DCDC1: variants seen among roughly 807,000 people sequenced by gnomAD.
The protein encoded by DCDC1 is doublecortin domain-containing protein 1.
In DCDC1, 200 loss-of-function variants were observed where a neutral mutation model predicts 178.3. The ratio of observed to expected loss-of-function variants is 1.12; its 90% CI spans 1.00 to 1.26. The LOEUF (loss-of-function observed/expected upper bound fraction) is 1.26, where lower values mean the gene tolerates loss of function less well. Ranked by LOEUF, DCDC1 falls within the 50% of genes most tolerant of loss-of-function variation. DCDC1 has a pLI of 0.00. For synonymous variants in DCDC1, 690 were observed against 604.8 expected, an observed-to-expected ratio of 1.14 and a Z score of -2.07; for missense variants, 1,983 against 1,749.2, an observed-to-expected ratio of 1.13 and a Z score of -2.38.
intron 20 of DCDC1, among the ~76,000 whole-genome samples, chr11:30,994,900 C>A (rs1343971762): frequency 2.0e-5 from 3 of 150,528 alleles, no homozygotes; most frequent in Non-Finnish European, 4.4e-5. Flanking sequence ...TGCTATTAAT[C>A]ATGGTCCCAG....
At chr11:30,978,057 A>C (rs2134758117) in intron 20 of DCDC1, among the ~76,000 whole-genome samples, 1 of 152,276 alleles carries the variant, frequency 6.6e-6, no homozygotes, top group South Asian at 2.1e-4. Flanking sequence ...TTTCTGTACA[A>C]CAAGTCAGTA....
intron 9 of DCDC1, among the ~76,000 whole-genome samples, chr11:31,204,016 G>T (rs763669080): frequency 1.4e-4 from 22 of 152,150 alleles, no homozygotes; most frequent in Non-Finnish European, 2.5e-4. Context: ...TAAGCAACTG[G>T]AAATGTACTT....
chr11:31,065,633 T>C (rs976994625), intron 18 of DCDC1, among the ~76,000 whole-genome samples: 2 of 152,200 alleles, frequency 1.3e-5, no homozygotes, highest in Admixed American at 6.5e-5. Flanking sequence ...AGGTAGAGCA[T>C]ATGTCTATGA....
intron 20 of DCDC1, among the ~76,000 whole-genome samples, chr11:31,053,415 G>A (rs1955388548): frequency 6.6e-6 from 1 of 151,976 alleles, no homozygotes; most frequent in Admixed American, 6.6e-5. Flanking sequence ...AGAAAAATTG[G>A]TACCAATCTT....
rs78898118 is a variant in DCDC1, at chr11:30,930,595, A to G, written c.2897+1176T>C. On this transcript the variant is annotated intron_variant, in intron 22 of 38. Coordinates refer to ENST00000684477, the MANE Select transcript of DCDC1 (RefSeq NM_001387274.1). ...AGCATTTCACATATTCTCTGCTAGA[A>G]CAGTTGTCCAAATTTACCATTTCAA... Among the ~76,000 whole-genome samples, 228 of 152,302 alleles carry G rather than the reference A, an allele frequency of 1.5e-3. 1 individual carries two copies. The East Asian group carries it at 0.021, about 14-fold the overall frequency.
intron 9 of DCDC1, among the ~76,000 whole-genome samples, chr11:31,170,887 T>C (rs766898447): frequency 5.9e-5 from 9 of 152,238 alleles, no homozygotes; most frequent in Non-Finnish European, 1.0e-4. Context: ...TGGAGTGCAA[T>C]AGCGTGATCT....
Position 30,982,921 on chromosome 11 carries a change from G to A in DCDC1, c.2592-30353C>T, listed in dbSNP as rs185003675. The stretch of plus-strand genomic sequence containing the variant: ...ATTTTATCAATTTACATTTTTCTGT[G>A]ATTAATTTTTATGCAAATAAGGGCC... On this transcript the variant is annotated intron_variant, in intron 20 of 38. Coordinates refer to ENST00000684477, the MANE Select transcript of DCDC1 (RefSeq NM_001387274.1). Among the ~76,000 whole-genome samples the A allele has an allele frequency of 3.9e-5, 6 of 152,160 alleles. No homozygotes were observed. In the East Asian group the frequency reaches 1.2e-3, roughly 29 times the overall value.
chr11:30,909,383 T>G, intron 28 of DCDC1, among the ~76,000 whole-genome samples: 1 of 152,270 alleles, frequency 6.6e-6, no homozygotes, highest in South Asian at 2.1e-4. Flanking sequence ...TCCCTGAACC[T>G]TTTTCTAACA....
At chr11:30,978,828 C>CACA (rs1565147912) in intron 20 of DCDC1, among the ~76,000 whole-genome samples, 9,214 of 126,892 alleles carry the variant, frequency 0.073, 498 homozygotes, top group Admixed American at 0.15. Flanking sequence ...ACACACACAC[C>CACA]CCCTTCTCAG....
chr11:31,153,780 C>G (rs1965423297), intron 9 of DCDC1, among the ~76,000 whole-genome samples: 1 of 55,552 alleles, frequency 1.8e-5, no homozygotes, highest in African/African-American at 1.0e-4. Context: ...CAGACTCAGT[C>G]TTAAAACACA....
chr11:31,273,897 G>C (rs1031514857), intron 7 of DCDC1, among the ~76,000 whole-genome samples: 1 of 152,158 alleles, frequency 6.6e-6, no homozygotes, highest in African/African-American at 2.4e-5. Context: ...GCAGCAAGCA[G>C]AGAGAGAGCT....
intron 9 of DCDC1, among the ~76,000 whole-genome samples, chr11:31,173,324 G>A (rs185302326): frequency 9.9e-5 from 15 of 151,914 alleles, no homozygotes; most frequent in South Asian, 4.2e-4. Context: ...GTACAATTAC[G>A]GATATTATTT....
At chr11:31,031,011 G>T (rs1221537769) in intron 20 of DCDC1, among the ~76,000 whole-genome samples, 4 of 152,044 alleles carry the variant, frequency 2.6e-5, no homozygotes, top group Non-Finnish European at 5.9e-5. Context: ...ATGAGTGAAG[G>T]TTATGTACCT....
At chr11:31,311,872 G>T (rs977515524) in intron 3 of DCDC1, among the ~76,000 whole-genome samples, 4 of 152,094 alleles carry the variant, frequency 2.6e-5, no homozygotes, top group Non-Finnish European at 4.4e-5. Context: ...AAATATGTTG[G>T]TAAGAGTCAC....
At chr11:31,294,832 AAGAAAG>A (rs1267922158) in intron 6 of DCDC1, among the ~76,000 whole-genome samples, 1 of 150,458 alleles carries the variant, frequency 6.6e-6, no homozygotes, top group African/African-American at 2.5e-5. Context: ...GAAAGAAAGA[AAGAAAG>A]AAAGAAAGAA....
rs541060377 is a variant in DCDC1, at chr11:31,009,339, A to G, written c.2591+55130T>C. Among the ~76,000 whole-genome samples the G allele has an allele frequency of 2.0e-5, 3 of 152,316 alleles. No individual in the cohort carries two copies. In the South Asian group the frequency reaches 6.2e-4, roughly 32 times the overall value. The stretch of plus-strand genomic sequence containing the variant: ...GCTTAGAAGTCTGTTTCAAGTATCA[A>G]TGGCCTCAAAGATATATTAGTTTTC... On this transcript the variant is annotated intron_variant, in intron 20 of 38. Transcript: ENST00000684477.
intron 20 of DCDC1, among the ~76,000 whole-genome samples, chr11:31,004,239 T>A (rs1009157243): frequency 6.6e-6 from 1 of 152,192 alleles, no homozygotes; most frequent in Admixed American, 6.5e-5. Flanking sequence ...TATTTTATTG[T>A]CAAATAGTGT....
At chr11:31,283,002 C>T (rs954167385) in intron 7 of DCDC1, among the ~76,000 whole-genome samples, 5 of 152,116 alleles carry the variant, frequency 3.3e-5, no homozygotes, top group African/African-American at 2.4e-5. Flanking sequence ...CCTCTGGTTG[C>T]TTTTAAGCTT....
Position 31,094,063 on chromosome 11 carries a change from C to T in DCDC1, c.2105G>A (p.Trp702Ter). 1 of 766,164 alleles carries T rather than the reference C, an allele frequency of 1.3e-6. No homozygotes were observed. The highest frequency in any genetic ancestry group is 2.4e-6 in the Non-Finnish European group (1 of 417,754). 47.5% of individuals were successfully genotyped at this position (766,164 alleles called of 1,614,324 possible). Residue 702 changes from tryptophan (W) to a stop codon, truncating the protein, a stop_gained, in exon 16 of 39, where the codon TGG (tryptophan) becomes TAG (stop). Coordinates refer to ENST00000684477, the MANE Select transcript of DCDC1 (RefSeq NM_001387274.1). LOFTEE classifies it high-confidence loss of function. The stretch of plus-strand genomic sequence containing the variant: ...ACTCTTAGGTACCTTGGTGATCAGC[C>T]ACACACTGGCTACAGGCCACAGGAT... ...PSILWPVASV[W>*]LITKTGMILS... is the part of the protein sequence containing the mutation.
Sources: gnomAD v4.1 joint callset for allele counts (sites outside exome capture counted in the v4.1 genomes callset) on GRCh38, gnomAD v4.1.1 for gene constraint, MANE v1.5 for transcripts, NCBI Gene and HGNC (gene_info 2026-07-23, HGNC 2026-07-21) for gene names.